Variants in WDR25 observed in about 807,000 individuals in gnomAD.
The protein encoded by WDR25 is WD repeat-containing protein 25.
Under a neutral mutation model 47.7 loss-of-function variants are expected in WDR25, and 35 were observed. That is an observed-to-expected ratio of 0.73 (90% CI 0.56 to 0.97). WDR25 has a LOEUF of 0.97. Among genes scored for constraint, WDR25 ranks in the 50% least tolerant of loss-of-function variants. The probability of loss-of-function intolerance (pLI) is 0.00; values close to 1 mark genes in which losing one functional copy is unlikely to be tolerated. For missense variants in WDR25, 634 were observed against 704.7 expected (o/e 0.90, Z 1.14); for synonymous variants, 248 against 278.9 (o/e 0.89, Z 1.10).
At chr14:100,518,721 T>A (rs1015274708) in intron 4 of WDR25, among the ~76,000 whole-genome samples, 6 of 151,962 alleles carry the variant, frequency 3.9e-5, no homozygotes, top group Admixed American at 6.6e-5. Flanking sequence ...TGACACCCCG[T>A]CTCTACTAAA....
At chr14:100,389,868 G>A (rs1298022474) in intron 2 of WDR25, among the ~76,000 whole-genome samples, 1 of 152,166 alleles carries the variant, frequency 6.6e-6, no homozygotes, top group Non-Finnish European at 1.5e-5. Flanking sequence ...TAGAACGAGG[G>A]CCATACAGAG....
intron 2 of WDR25, among the ~76,000 whole-genome samples, chr14:100,398,038 C>T (rs900879296): frequency 2.6e-5 from 4 of 152,272 alleles, no homozygotes; most frequent in Non-Finnish European, 5.9e-5. Context: ...AGAGTTTCAC[C>T]ATGTTGGCCA....
intron 3 of WDR25, among the ~76,000 whole-genome samples, chr14:100,475,345 C>G (rs1899982385): frequency 6.6e-6 from 1 of 152,348 alleles, no homozygotes; most frequent in African/African-American, 2.4e-5. Flanking sequence ...CATTGCAGCA[C>G]TGTTCACAGT....
Position 100,381,233 on chromosome 14 carries a change from T to C in WDR25, c.309T>C (p.Pro103=). 6.2e-7 allele frequency: 1 copy of C among 1,613,542 alleles called. No individual in the cohort carries two copies. The highest frequency in any genetic ancestry group is 8.5e-7 in the Non-Finnish European group (1 of 1,179,922). Residue 103 remains proline, a synonymous_variant, in exon 2 of 7, where the codon CCT becomes CCC. Coordinates refer to ENST00000402312, the MANE Select transcript of WDR25 (RefSeq NM_001161476.3). ...SQRLQWPGKE[P]QVTFPIKEPS... ...GGCTACAGTGGCCCGGGAAGGAGCC[T>C]CAAGTCACCTTCCCCATCAAAGAGC...
intron 2 of WDR25, among the ~76,000 whole-genome samples, chr14:100,412,198 C>A (rs1273977382): frequency 6.9e-6 from 1 of 145,324 alleles, no homozygotes; most frequent in Non-Finnish European, 1.5e-5. Flanking sequence ...CAGAGTGAGA[C>A]CCTGTCTCAA....
In WDR25 at chr14:100,468,270, C is replaced by A. The variant is rs1899712038; in HGVS notation, c.970+102C>A. ...CCACAAGCTGTATACGCTTGCGTGG[C>A]AGAGGGAGAGGGGCCTCAGGGTGGG... On this transcript the variant is annotated intron_variant, in intron 3 of 6. Transcript: ENST00000402312. The surrounding 1 kb of genome is among the most constrained non-coding windows in gnomAD (Gnocchi z 4.5). The A allele has an allele frequency of 4.7e-6, 7 of 1,483,902 alleles. No individual in the cohort carries two copies. The highest frequency in any genetic ancestry group is 5.4e-6 in the Non-Finnish European group (6 of 1,113,576). 91.9% of individuals were successfully genotyped at this position (1,483,902 alleles called of 1,614,324 possible).
chr14:100,499,427 C>T lies in WDR25; in HGVS notation c.1101+15303C>T, dbSNP rs1900841317. 6.6e-6 allele frequency among the ~76,000 whole-genome samples: 1 copy of T among 152,226 alleles called. No individual in the cohort carries two copies. The highest frequency in any genetic ancestry group is 2.4e-5 in the African/African-American group (1 of 41,456). On this transcript the variant is annotated intron_variant, in intron 4 of 6. Coordinates refer to ENST00000402312, the MANE Select transcript of WDR25 (RefSeq NM_001161476.3). This position sits in a 1 kb window ranked among gnomAD's most constrained non-coding sequence, Gnocchi z 4.4. The stretch of plus-strand genomic sequence containing the variant: ...AGGCAAACTTCTCTGCACAATAATT[C>T]TTAAACGCAGAATTAGTCGAAAGGT...
At chr14:100,379,380 CTTTTTTTTTCT>C (rs1896814239) in intron 1 of WDR25, among the ~76,000 whole-genome samples, 1 of 143,528 alleles carries the variant, frequency 7.0e-6, no homozygotes, top group Non-Finnish European at 1.5e-5. Context: ...TTCAGGTCTT[CTTTTTTTTTCT>C]TTTTTTTTTT....
intron 2 of WDR25, among the ~76,000 whole-genome samples, chr14:100,412,018 A>G (rs987647800): frequency 6.6e-6 from 1 of 152,158 alleles, no homozygotes; most frequent in African/African-American, 2.4e-5. Context: ...CAGCCTGGGC[A>G]ACATGGGTGA....
intron 1 of WDR25, among the ~76,000 whole-genome samples, chr14:100,380,267 C>T (rs1279896657): frequency 4.6e-5 from 7 of 151,776 alleles, no homozygotes; most frequent in African/African-American, 1.7e-4. Context: ...AGGCTGGTCT[C>T]GAACTCCTCA....
chr14:100,528,435 C>CTTT (rs66881970), intron 5 of WDR25, among the ~76,000 whole-genome samples: 9 of 131,018 alleles, frequency 6.9e-5, no homozygotes, highest in East Asian at 2.2e-4. Flanking sequence ...TTCTTTCTTT[C>CTTT]TTTTTTTTTT....
chr14:100,406,406 T>C (rs1008196062), intron 2 of WDR25, among the ~76,000 whole-genome samples: 3 of 152,218 alleles, frequency 2.0e-5, no homozygotes, highest in African/African-American at 7.2e-5. Flanking sequence ...ACGGACAGCC[T>C]CAGTTTTCAT....
intron 2 of WDR25, among the ~76,000 whole-genome samples, chr14:100,408,145 C>T (rs1283349400): frequency 1.3e-5 from 2 of 152,002 alleles, no homozygotes; most frequent in Non-Finnish European, 2.9e-5. Flanking sequence ...AGCCATGGAA[C>T]GTGCGTGAAG....
rs1485423164 is a variant in WDR25, at chr14:100,392,780, GTGGTTTCT to G, written c.822+11035_822+11042del. 6.6e-6 allele frequency among the ~76,000 whole-genome samples: 1 copy of G among 152,172 alleles called. No homozygotes were observed. The highest frequency in any genetic ancestry group is 1.5e-5 in the Non-Finnish European group (1 of 68,038). ...TACTTAGCCGCCCTTGGACACTTAGGTGGTTTCTAATTTTTGCTATTATATAGATAATG... is the reference window on the plus strand; with the variant it reads ...TACTTAGCCGCCCTTGGACACTTAGGAATTTTTGCTATTATATAGATAATG... On this transcript the variant is annotated intron_variant, in intron 2 of 6. Coordinates refer to ENST00000402312, the MANE Select transcript of WDR25 (RefSeq NM_001161476.3). This position sits in a 1 kb window ranked among gnomAD's most constrained non-coding sequence, Gnocchi z 4.2.
chr14:100,413,689 A>G (rs1262582086), intron 2 of WDR25, among the ~76,000 whole-genome samples: 1 of 152,230 alleles, frequency 6.6e-6, no homozygotes, highest in South Asian at 2.1e-4. Context: ...TTGGGATTAC[A>G]GGCGTGAGCC....
rs2030423026 is a variant in WDR25 at position 100,530,185 on chromosome 14, T to A, written c.*144T>A. On this transcript the variant is annotated 3_prime_UTR_variant, in exon 7 of 7. Transcript: ENST00000402312. ...AGCCTCAGTTTCCTCATCTGTAAAGTGGGGAGAAAAGTCTGTTTGCCTCAG... is the reference window on the plus strand; with the variant it reads ...AGCCTCAGTTTCCTCATCTGTAAAGAGGGGAGAAAAGTCTGTTTGCCTCAG... The A allele has an allele frequency of 1.2e-6, 1 of 859,282 alleles. No individual in the cohort carries two copies. The highest frequency in any genetic ancestry group is 1.8e-6 in the Non-Finnish European group (1 of 570,604). The allele number at this position is 859,282 out of a possible 1,614,324, so 53.2% of individuals were successfully genotyped here. A position where few individuals can be genotyped will look rare whatever the true frequency, so the allele number is the denominator to read the frequency against.
At chr14:100,473,803 T>C (rs1311532878) in intron 3 of WDR25, among the ~76,000 whole-genome samples, 1 of 152,200 alleles carries the variant, frequency 6.6e-6, no homozygotes, top group African/African-American at 2.4e-5. Context: ...TTGGAAGAAG[T>C]GCCGTGGAGG....
chr14:100,508,465 G>A (rs1475669133), intron 4 of WDR25, among the ~76,000 whole-genome samples: 2 of 152,134 alleles, frequency 1.3e-5, no homozygotes, highest in East Asian at 3.8e-4. Context: ...TATGGACTGT[G>A]TATCATGTGA....
intron 4 of WDR25, among the ~76,000 whole-genome samples, chr14:100,519,743 G>GTA (rs1156801389): frequency 1.9e-3 from 242 of 124,624 alleles, no homozygotes; most frequent in African/African-American, 9.5e-3. Context: ...TGTATATATA[G>GTA]TATATATATA....
Sources: allele counts gnomAD v4.1 joint callset (sites outside exome capture counted in the v4.1 genomes callset), GRCh38; gene constraint gnomAD v4.1.1; non-coding constraint Gnocchi (gnomAD v3.1); transcripts MANE v1.5; gene names NCBI Gene and HGNC (gene_info 2026-07-23, HGNC 2026-07-21).